Variants in IL1RAPL2 observed in about 807,000 individuals in gnomAD.
The protein encoded by IL1RAPL2 is interleukin 1 receptor accessory protein like 2, also known as X-linked interleukin-1 receptor accessory protein-like 2.
In IL1RAPL2, 3 loss-of-function variants were observed where a neutral mutation model predicts 44.1. The ratio of observed to expected loss-of-function variants is 0.07; its 90% CI spans 0.03 to 0.18. IL1RAPL2 has a LOEUF of 0.18. Among genes scored for constraint, IL1RAPL2 ranks in the 10% least tolerant of loss-of-function variants. The pLI, the probability that IL1RAPL2 is intolerant of heterozygous loss-of-function variation, is 1.00. For synonymous variants in IL1RAPL2, 181 were observed against 178.8 expected (o/e 1.01, Z -0.10); for missense variants, 391 against 496.4 (o/e 0.79, Z 2.02).
At chrX:104,947,122 A>G (rs1925401660) in intron 2 of IL1RAPL2, among the ~76,000 whole-genome samples, 2 of 111,514 alleles carry the variant, frequency 1.8e-5, no homozygotes, top group African/African-American at 6.5e-5. Flanking sequence ...CTGGTGTGAG[A>G]TGGTATCTCA....
At chrX:104,887,468 G>T (rs1039263459) in intron 2 of IL1RAPL2, among the ~76,000 whole-genome samples, 2 of 112,035 alleles carry the variant, frequency 1.8e-5, no homozygotes, top group African/African-American at 6.5e-5. Context: ...AAGAGTAGTT[G>T]CAGCAGTGGC....
chrX:105,396,904 G>A (rs1476486203), intron 5 of IL1RAPL2, among the ~76,000 whole-genome samples: 1 of 111,316 alleles, frequency 9.0e-6, no homozygotes, highest in African/African-American at 3.3e-5. Context: ...ACAACAGGAG[G>A]TGAGTGACAG....
chrX:105,220,288 T>C lies in IL1RAPL2; in HGVS notation c.357-13530T>C, dbSNP rs782046840. 2.6e-5 allele frequency: 31 copies of C among 1,209,017 alleles called. No individual in the cohort carries two copies. Among genetic ancestry groups the C allele is most frequent in the Non-Finnish European group, 3.1e-5 (28 of 894,704 alleles). ...CTTCTCCCAGGATAAGGATATATTCTCAAGATAGAACTCGGGGCCTTTCGT... is the reference window on the plus strand; with the variant it reads ...CTTCTCCCAGGATAAGGATATATTCCCAAGATAGAACTCGGGGCCTTTCGT... On this transcript the variant is annotated intron_variant, in intron 3 of 10. Coordinates refer to ENST00000372582, the MANE Select transcript of IL1RAPL2 (RefSeq NM_017416.2).
chrX:105,574,496 A>T (rs1252148489), intron 6 of IL1RAPL2, among the ~76,000 whole-genome samples: 1 of 111,993 alleles, frequency 8.9e-6, no homozygotes, highest in Non-Finnish European at 1.9e-5. Flanking sequence ...AAGAGCTGAC[A>T]TTTGGACTTT....
In IL1RAPL2 at chrX:105,425,235, ACT is replaced by A. The variant is rs1303204515; in HGVS notation, c.698-59073_698-59072del. Among the ~76,000 whole-genome samples the A allele has an allele frequency of 4.5e-5, 5 of 110,932 alleles. No homozygotes were observed. In the East Asian group the frequency reaches 1.4e-3, roughly 32 times the overall value. ...AGATTACTTGGGTTTGAGGTCAACA[ACT>A]CTCTGCACTGAATGCAATGAGGGTG... On this transcript the variant is annotated intron_variant, in intron 5 of 10. Coordinates refer to ENST00000372582, the MANE Select transcript of IL1RAPL2 (RefSeq NM_017416.2).
chrX:104,641,267 G>A (rs1286842318), intron 1 of IL1RAPL2, among the ~76,000 whole-genome samples: 1 of 111,504 alleles, frequency 9.0e-6, no homozygotes, highest in Non-Finnish European at 1.9e-5. Flanking sequence ...CACGGTGGTA[G>A]ACTGGGTTGG....
At chrX:105,092,101 A>G (rs1286006705) in intron 2 of IL1RAPL2, among the ~76,000 whole-genome samples, 1 of 111,116 alleles carries the variant, frequency 9.0e-6, no homozygotes, top group Non-Finnish European at 1.9e-5. Flanking sequence ...TTTCATTGTT[A>G]TCGTCCTTCA....
chrX:105,629,108 C>A (rs1300698432), intron 6 of IL1RAPL2, among the ~76,000 whole-genome samples: 1 of 111,582 alleles, frequency 9.0e-6, no homozygotes, highest in Non-Finnish European at 1.9e-5. Context: ...GGGTTGTGAT[C>A]TAAACCATGT....
chrX:105,626,150 G>GA (rs1438371554), intron 6 of IL1RAPL2, among the ~76,000 whole-genome samples: 1 of 111,501 alleles, frequency 9.0e-6, no homozygotes, highest in Non-Finnish European at 1.9e-5. Context: ...CCTGACATAA[G>GA]AAAAAAACAG....
At chrX:105,387,791 A>G (rs902797538) in intron 5 of IL1RAPL2, among the ~76,000 whole-genome samples, 12 of 110,761 alleles carry the variant, frequency 1.1e-4, no homozygotes, top group Non-Finnish European at 2.3e-4. Flanking sequence ...CAGCTTCTAA[A>G]GAATTTAGGT....
chrX:105,665,742 G>GTTTTTT (rs1178543516), intron 6 of IL1RAPL2, among the ~76,000 whole-genome samples: 2 of 83,717 alleles, frequency 2.4e-5, no homozygotes, highest in African/African-American at 1.1e-4. Context: ...TTGTTTTTTT[G>GTTTTTT]TTTTTTTTTT....
chrX:105,058,724 C>G (rs2032032271), intron 2 of IL1RAPL2, among the ~76,000 whole-genome samples: 1 of 111,729 alleles, frequency 9.0e-6, no homozygotes, highest in Non-Finnish European at 1.9e-5. Flanking sequence ...GAATGTATGA[C>G]TTAGAACAAT....
intron 2 of IL1RAPL2, among the ~76,000 whole-genome samples, chrX:105,158,289 G>A (rs2033288521): frequency 9.0e-6 from 1 of 111,514 alleles, no homozygotes; most frequent in East Asian, 2.9e-4. Flanking sequence ...AACCCAGGAG[G>A]CGGAGCTTGC....
intron 2 of IL1RAPL2, among the ~76,000 whole-genome samples, chrX:104,921,693 A>T (rs1448531056): frequency 8.9e-6 from 1 of 112,758 alleles, no homozygotes; most frequent in East Asian, 2.8e-4. Flanking sequence ...GCTCGGGTTC[A>T]TGTAATGGCA....
chrX:105,057,603 C>T (rs1207221478), intron 2 of IL1RAPL2, among the ~76,000 whole-genome samples: 2 of 110,780 alleles, frequency 1.8e-5, no homozygotes. Context: ...CTATCAGAGT[C>T]CCCTTATAAT....
intron 3 of IL1RAPL2, chrX:105,219,918 G>A: frequency 2.6e-6 from 3 of 1,136,373 alleles, no homozygotes; most frequent in Non-Finnish European, 2.4e-6. Context: ...TACTGGGCAG[G>A]GACCAGTTGA....
chrX:105,606,120 C>T (rs1476983218), intron 6 of IL1RAPL2, among the ~76,000 whole-genome samples: 1 of 111,172 alleles, frequency 9.0e-6, no homozygotes, highest in Non-Finnish European at 1.9e-5. Context: ...AATGAAGAGA[C>T]AACTTGCAAA....
intron 4 of IL1RAPL2, among the ~76,000 whole-genome samples, chrX:105,246,991 T>C (rs2034224792): frequency 9.0e-6 from 1 of 110,672 alleles, no homozygotes; most frequent in Admixed American, 9.7e-5. Flanking sequence ...CACATAGCAC[T>C]CCAGAGTGCT....
Position 105,071,258 on chromosome X carries a change from T to C in IL1RAPL2, c.83-124217T>C, listed in dbSNP as rs1337183737. On this transcript the variant is annotated intron_variant, in intron 2 of 10. Transcript: ENST00000372582. ...CAAACAATAAACTATCTGAAAAAGA[T>C]AAAGAAAATAATCCCATTTAAAATA... Among the ~76,000 whole-genome samples, 5 of 111,103 alleles carry C rather than the reference T, an allele frequency of 4.5e-5. 1 individual carries two copies. Among genetic ancestry groups the C allele is most frequent in the Admixed American group, 9.6e-5 (1 of 10,394 alleles).
Sources: allele counts gnomAD v4.1 joint callset (sites outside exome capture counted in the v4.1 genomes callset), GRCh38; gene constraint gnomAD v4.1.1; transcripts MANE v1.5; gene names NCBI Gene and HGNC (gene_info 2026-07-23, HGNC 2026-07-21).